Variants in TUSC3 observed in about 807,000 individuals in gnomAD.
TUSC3 encodes the protein dolichyl-diphosphooligosaccharide--protein glycosyltransferase subunit TUSC3.
In TUSC3, 45 loss-of-function variants were observed where a neutral mutation model predicts 44.8. That is an observed-to-expected ratio of 1.00 (90% CI 0.79 to 1.29). The LOEUF (loss-of-function observed/expected upper bound fraction) is 1.29. Ranked by LOEUF, TUSC3 falls within the 50% of genes most tolerant of loss-of-function variation. The probability of loss-of-function intolerance (pLI) is 0.00; values close to 1 mark genes in which losing one functional copy is unlikely to be tolerated. For synonymous variants in TUSC3, 212 were observed against 152.9 expected, an observed-to-expected ratio of 1.39 and a Z score of -2.85; for missense variants, 519 against 437.9, an observed-to-expected ratio of 1.19 and a Z score of -1.65.
chr8:15,526,720 T>A (rs1349817745), intron 2 of TUSC3, among the ~76,000 whole-genome samples: 2 of 152,100 alleles, frequency 1.3e-5, no homozygotes, highest in East Asian at 3.9e-4. Flanking sequence ...AGTTACCCAG[T>A]CTCAGGTATG....
At chr8:15,829,846 A>G in the TUSC3 span, among the ~76,000 whole-genome samples, 1 of 151,996 alleles carries the variant, frequency 6.6e-6, no homozygotes, top group East Asian at 1.9e-4. Context: ...AATAGTTTTA[A>G]TTTTAGTTCT....
chr8:15,572,626 A>G (rs895409561), intron 1 of TUSC3, among the ~76,000 whole-genome samples: 1 of 152,156 alleles, frequency 6.6e-6, no homozygotes, highest in African/African-American at 2.4e-5. Flanking sequence ...AGCTTTCCAC[A>G]TGCCTTCCTC....
At chr8:15,694,455 A>G (rs1052018853) in intron 6 of TUSC3, among the ~76,000 whole-genome samples, 12 of 139,048 alleles carry the variant, frequency 8.6e-5, no homozygotes, top group African/African-American at 3.0e-4. Flanking sequence ...AAAAAAAAAA[A>G]AAAAAGATTG....
rs369381507 is a variant in TUSC3 at position 15,581,773 on chromosome 8, TTGTC to T, written c.138+41209_138+41212del. On this transcript the variant is annotated intron_variant, in intron 1 of 10. Coordinates refer to ENST00000503731, the MANE Select transcript of TUSC3 (RefSeq NM_006765.4). ...GCAGAGGTTACTGCTGTCTTTTTGTTTGTCTGTGCCCTGCCCCCAGAGGTGGAGC... is the reference window on the plus strand; with the variant it reads ...GCAGAGGTTACTGCTGTCTTTTTGTTTGTGCCCTGCCCCCAGAGGTGGAGC... 2.9e-3 allele frequency among the ~76,000 whole-genome samples: 409 copies of T among 138,878 alleles called. 3 individuals carry two copies. The East Asian group carries it at 0.034, about 12-fold the overall frequency. 91.1% of individuals were successfully genotyped at this position (138,878 alleles called of 152,430 possible). A position where few individuals can be genotyped will look rare whatever the true frequency, so the allele number is the denominator to read the frequency against.
At chr8:15,843,333 T>C in the TUSC3 span, among the ~76,000 whole-genome samples, 1 of 152,308 alleles carries the variant, frequency 6.6e-6, no homozygotes, top group Non-Finnish European at 1.5e-5. Context: ...TGGTGGAATA[T>C]ATCTTCCCTC....
At chr8:15,478,709 C>G (rs1281848106) in intron 1 of TUSC3, among the ~76,000 whole-genome samples, 1 of 151,992 alleles carries the variant, frequency 6.6e-6, no homozygotes, top group Non-Finnish European at 1.5e-5. Context: ...GGTTCTATGT[C>G]TTTGCTATTG....
Position 15,590,794 on chromosome 8 carries a change from C to A in TUSC3, c.139-32286C>A, listed in dbSNP as rs563115221. On this transcript the variant is annotated intron_variant, in intron 1 of 10. Coordinates refer to ENST00000503731, the MANE Select transcript of TUSC3 (RefSeq NM_006765.4). ...TCAGGCAGTCCTCTCACCACAGCCA[C>A]CCAAGTAGCTGGCACAACAGGTGCA... Among the ~76,000 whole-genome samples, 145 of 152,092 alleles carry A rather than the reference C, an allele frequency of 9.5e-4. 1 individual carries two copies. The highest frequency in any genetic ancestry group is 3.3e-3 in the African/African-American group (138 of 41,496).
chr8:15,649,107 G>A (rs1340086019), intron 2 of TUSC3, among the ~76,000 whole-genome samples: 1 of 152,078 alleles, frequency 6.6e-6, no homozygotes, highest in Non-Finnish European at 1.5e-5. Context: ...AAGTATGTTA[G>A]TTACAGTTAC....
At chr8:15,830,196 C>T in the TUSC3 span, among the ~76,000 whole-genome samples, 1 of 151,920 alleles carries the variant, frequency 6.6e-6, no homozygotes, top group Non-Finnish European at 1.5e-5. Context: ...GATATTACTC[C>T]TTTGTTAAAT....
At chr8:15,596,666 T>C (rs1273359969) in intron 1 of TUSC3, among the ~76,000 whole-genome samples, 4 of 152,188 alleles carry the variant, frequency 2.6e-5, no homozygotes, top group Non-Finnish European at 4.4e-5. Flanking sequence ...TATATTTTTC[T>C]TTAATTGATT....
At chr8:15,699,188 C>A (rs181425203) in intron 6 of TUSC3, among the ~76,000 whole-genome samples, 1 of 152,112 alleles carries the variant, frequency 6.6e-6, no homozygotes, top group Non-Finnish European at 1.5e-5. Context: ...TTTAAAAATA[C>A]ACTGTAAATA....
intron 1 of TUSC3, among the ~76,000 whole-genome samples, chr8:15,473,722 G>A (rs28700907): frequency 0.5 from 75,818 of 151,980 alleles, 19,874 homozygotes; most frequent in African/African-American, 0.66. Flanking sequence ...TACAGGGAGT[G>A]GGTCACAAGA....
At chr8:15,810,821 C>T in the TUSC3 span, among the ~76,000 whole-genome samples, 5 of 152,054 alleles carry the variant, frequency 3.3e-5, no homozygotes, top group African/African-American at 4.8e-5. Context: ...TGTCCAAATA[C>T]AGGAAAGAAG....
chr8:15,620,988 T>G lies in TUSC3; in HGVS notation c.139-2092T>G, dbSNP rs189499900. The stretch of plus-strand genomic sequence containing the variant: ...GTATTAAAAGATTGTGTGTGGTGTG[T>G]GTCTGTGTGTGAGTGTGTGTTGTGC... On this transcript the variant is annotated intron_variant, in intron 1 of 10. Coordinates refer to ENST00000503731, the MANE Select transcript of TUSC3 (RefSeq NM_006765.4). 5.3e-3 allele frequency among the ~76,000 whole-genome samples: 714 copies of G among 135,806 alleles called. 3 individuals carry two copies. Among genetic ancestry groups the G allele is most frequent in the African/African-American group, 0.016 (612 of 38,122 alleles). 89.1% of individuals were successfully genotyped at this position (135,806 alleles called of 152,430 possible). A position where few individuals can be genotyped will look rare whatever the true frequency, so the allele number is the denominator to read the frequency against.
intron 1 of TUSC3, among the ~76,000 whole-genome samples, chr8:15,455,343 T>A (rs189856128): frequency 6.6e-5 from 10 of 152,270 alleles, no homozygotes; most frequent in Admixed American, 1.3e-4. Flanking sequence ...TGAGGAGCTA[T>A]GGTTGGTTTT....
intron 2 of TUSC3, among the ~76,000 whole-genome samples, chr8:15,501,689 C>T (rs1800968550): frequency 1.3e-5 from 2 of 152,152 alleles, no homozygotes; most frequent in South Asian, 2.1e-4. Context: ...TCTTCCTGTC[C>T]TTCCATCTTT....
At chr8:15,520,506 T>C (rs13277907) in intron 2 of TUSC3, among the ~76,000 whole-genome samples, 21,130 of 152,276 alleles carry the variant, frequency 0.14, 1,796 homozygotes, top group South Asian at 0.26. Context: ...GGCATTTATC[T>C]ATATTTCTAT....
chr8:15,828,764 G>C, the TUSC3 span, among the ~76,000 whole-genome samples: 1 of 152,094 alleles, frequency 6.6e-6, no homozygotes, highest in Non-Finnish European at 1.5e-5. Context: ...TTATATCTTG[G>C]TGGAATCCAT....
At chr8:15,459,456 C>T (rs1353172362) in intron 1 of TUSC3, among the ~76,000 whole-genome samples, 1 of 151,858 alleles carries the variant, frequency 6.6e-6, no homozygotes, top group African/African-American at 2.4e-5. Flanking sequence ...AAGAATCCTG[C>T]TTTATTTGAT....
Sources: gnomAD v4.1 joint callset for allele counts (sites outside exome capture counted in the v4.1 genomes callset) on GRCh38, gnomAD v4.1.1 for gene constraint, MANE v1.5 for transcripts, NCBI Gene and HGNC (gene_info 2026-07-23, HGNC 2026-07-21) for gene names.